NUP160: variants seen among roughly 807,000 people sequenced by gnomAD.
The protein encoded by NUP160 is nucleoporin 160.
In NUP160, 94 loss-of-function variants were observed where a neutral mutation model predicts 196.9. The observed-to-expected ratio is 0.48, with a 90% CI of 0.40 to 0.57. NUP160 has a LOEUF of 0.57. Among genes scored for constraint, NUP160 ranks in the 20% least tolerant of loss-of-function variants. The probability of loss-of-function intolerance (pLI) is 0.00; values close to 1 mark genes in which losing one functional copy is unlikely to be tolerated. For missense variants in NUP160, 1,638 were observed against 1,748.3 expected (o/e 0.94, Z 1.13); for synonymous variants, 605 against 619.7 (o/e 0.98, Z 0.35).
rs145780420 is a variant in NUP160, at chr11:47,799,154, C to T, written c.2896-691G>A. 4.4e-3 allele frequency among the ~76,000 whole-genome samples: 660 copies of T among 150,044 alleles called. 1 individual carries two copies. The highest frequency in any genetic ancestry group is 0.016 in the African/African-American group (633 of 40,730). On this transcript the variant is annotated intron_variant, in intron 23 of 35. Transcript: ENST00000378460. Reference sequence around the variant, plus strand: ...AGACTGGAGCACAATGGTGTGATCTCGGCTCACTGCAACCCCTACCTCCTG... The same window carrying T: ...AGACTGGAGCACAATGGTGTGATCTTGGCTCACTGCAACCCCTACCTCCTG...
chr11:47,845,881 C>T (rs753873927), intron 2 of NUP160, among the ~76,000 whole-genome samples: 11 of 152,034 alleles, frequency 7.2e-5, no homozygotes, highest in Admixed American at 1.3e-4. Flanking sequence ...GCCTGTAATC[C>T]TAGCAAGTTG....
exon 7 of NUP160, chr11:47,835,752 G>A: frequency 6.2e-7 from 1 of 1,604,590 alleles, no homozygotes; most frequent in Non-Finnish European, 8.5e-7. Context: ...GTAAGCCGAA[G>A]GTCTTTCTTC....
chr11:47,819,555 G>T lies in NUP160; in HGVS notation c.1278-97C>A, dbSNP rs572543165. ...TCTGGGCAGGGAGGACCCCATCACG[G>T]AACCCGGCAATGACTGCTTCATCAA... On this transcript the variant is annotated intron_variant, in intron 9 of 35. Coordinates refer to ENST00000378460, the Ensembl canonical transcript of NUP160. 7.5e-5 allele frequency: 52 copies of T among 691,936 alleles called. No individual in the cohort carries two copies. In the South Asian group the frequency reaches 1.1e-3, roughly 14 times the overall value. 42.9% of individuals were successfully genotyped at this position (691,936 alleles called of 1,614,324 possible).
chr11:47,782,910 C>T (rs1032337182), intron 34 of NUP160, among the ~76,000 whole-genome samples, 163 bp downstream of exon 34: 6 of 152,122 alleles, frequency 3.9e-5, no homozygotes, highest in Non-Finnish European at 7.4e-5. Context: ...CTGTCTGCCT[C>T]GGCCTCCCAA....
At chr11:47,847,766 G>T (rs1208483676) in intron 2 of NUP160, 82 bp downstream of exon 2, 9 of 873,982 alleles carry the variant, frequency 1.0e-5, no homozygotes, top group Non-Finnish European at 1.8e-5. Flanking sequence ...ACCGCTTCTA[G>T]AATAGCACTT....
intron 11 of NUP160, among the ~76,000 whole-genome samples, chr11:47,816,394 G>A (rs1277487982): frequency 2.6e-5 from 4 of 152,120 alleles, no homozygotes; most frequent in Admixed American, 6.6e-5. Flanking sequence ...TTATGTGGGA[G>A]GTCAGTCTAA....
At chr11:47,843,995 T>C (rs572224634) in intron 2 of NUP160, among the ~76,000 whole-genome samples, 3 of 152,356 alleles carry the variant, frequency 2.0e-5, no homozygotes, top group East Asian at 1.9e-4. Flanking sequence ...GCTTCACCTA[T>C]ACGTTTTTCC....
intron 32 of NUP160, among the ~76,000 whole-genome samples, chr11:47,785,525 A>C (rs887868559): frequency 1.3e-5 from 2 of 152,248 alleles, no homozygotes; most frequent in Non-Finnish European, 2.9e-5. Context: ...TGGGGATAGC[A>C]CTAGAAACTA....
intron 2 of NUP160, among the ~76,000 whole-genome samples, chr11:47,847,154 C>T (rs1429109589): frequency 1.3e-5 from 2 of 152,114 alleles, no homozygotes; most frequent in Non-Finnish European, 2.9e-5. Context: ...TTGGTCAGTT[C>T]CAAACCCGCC....
intron 27 of NUP160, 141 bp downstream of exon 27, chr11:47,797,638 A>G (rs1268281257): frequency 3.2e-6 from 2 of 633,676 alleles, no homozygotes; most frequent in South Asian, 2.0e-5. Flanking sequence ...CCTATCTTCA[A>G]GGTAATCTTC....
chr11:47,789,882 C>A (rs187266903), intron 29 of NUP160, among the ~76,000 whole-genome samples: 51 of 151,796 alleles, frequency 3.4e-4, no homozygotes, highest in African/African-American at 1.2e-3. Context: ...TACTACTGAC[C>A]AGAAGCCTTA....
chr11:47,810,440 C>T (rs2097680433), intron 17 of NUP160, among the ~76,000 whole-genome samples: 1 of 152,120 alleles, frequency 6.6e-6, no homozygotes, highest in South Asian at 2.1e-4. Flanking sequence ...ACCAGGCCAC[C>T]TTGGCCTCCC....
At chr11:47,819,420 G>A (rs966518741) in exon 10 of NUP160, 1 of 1,613,694 alleles carries the variant, frequency 6.2e-7, no homozygotes, top group African/African-American at 1.3e-5. Flanking sequence ...CTCTGGCAGA[G>A]GCTGCATAAA....
intron 13 of NUP160, 76 bp from the exon 14 acceptor site, chr11:47,813,491 T>C: frequency 1.1e-6 from 1 of 930,220 alleles, no homozygotes; most frequent in Non-Finnish European, 1.7e-6. Context: ...ATGTGCATCT[T>C]ATCATGAGGC....
chr11:47,848,448 C>A (rs1421047102), exon 1 of NUP160: 8 of 1,493,498 alleles, frequency 5.4e-6, no homozygotes, highest in African/African-American at 1.4e-5. Flanking sequence ...GGCTCCGGCC[C>A]TTCGTTGCGA....
chr11:47,827,658 G>C (rs1039168759), intron 7 of NUP160, among the ~76,000 whole-genome samples: 24 of 151,698 alleles, frequency 1.6e-4, no homozygotes, highest in Non-Finnish European at 2.8e-4. Context: ...AATGAGCTGA[G>C]AGTGCATTCA....
intron 13 of NUP160, among the ~76,000 whole-genome samples, chr11:47,814,393 C>G (rs2097683050): frequency 6.6e-6 from 1 of 151,268 alleles, no homozygotes. Flanking sequence ...AAATACAAAA[C>G]TAGCCAGGTG....
At chr11:47,807,712 A>G (rs1047769676) in intron 18 of NUP160, among the ~76,000 whole-genome samples, 11 of 152,120 alleles carry the variant, frequency 7.2e-5, no homozygotes, top group Non-Finnish European at 1.2e-4. Flanking sequence ...GGATTTGGCT[A>G]TAAAGAAGCT....
chr11:47,835,255 G>C (rs1852150761), intron 7 of NUP160, among the ~76,000 whole-genome samples: 1 of 152,144 alleles, frequency 6.6e-6, no homozygotes, highest in South Asian at 2.1e-4. Flanking sequence ...TTTATTAAAT[G>C]ATTACACTAT....
Sources: gnomAD v4.1 joint callset for allele counts (sites outside exome capture counted in the v4.1 genomes callset) on GRCh38, gnomAD v4.1.1 for gene constraint, MANE v1.5 for transcripts, NCBI Gene and HGNC (gene_info 2026-07-23, HGNC 2026-07-21) for gene names.